Variants in CMKLR1 observed in about 807,000 individuals in gnomAD.
CMKLR1 encodes the protein chemerin chemokine-like receptor 1, also known as chemerin-like receptor 1.
CMKLR1 carries 6 observed loss-of-function variants against 8.2 expected under a neutral mutation model. The observed-to-expected ratio is 0.73, with a 90% CI of 0.40 to 1.44. The LOEUF is 1.44. Among genes scored for constraint, CMKLR1 ranks in the 40% most tolerant of loss-of-function variants. CMKLR1 has a pLI of 0.02. For synonymous variants in CMKLR1, 178 were observed against 181.2 expected, an observed-to-expected ratio of 0.98 and a Z score of 0.14; for missense variants, 429 against 478.0, an observed-to-expected ratio of 0.90 and a Z score of 0.96.
chr12:108,325,980 T>C (rs1891974523), intron 2 of CMKLR1, among the ~76,000 whole-genome samples: 1 of 152,186 alleles, frequency 6.6e-6, no homozygotes, highest in Non-Finnish European at 1.5e-5. Flanking sequence ...TCAGAAATGC[T>C]GGCGGGTGGG....
At chr12:108,300,980 A>G (rs4964670) in intron 2 of CMKLR1, among the ~76,000 whole-genome samples, 112,053 of 151,868 alleles carry the variant, frequency 0.74, 41,429 homozygotes, top group Middle Eastern at 0.8. Flanking sequence ...AAAGCCCTAC[A>G]AAGCACGTTC....
At chr12:108,325,928 C>A (rs776793004) in intron 2 of CMKLR1, among the ~76,000 whole-genome samples, 25 of 152,240 alleles carry the variant, frequency 1.6e-4, no homozygotes, top group Non-Finnish European at 2.6e-4. Context: ...TCATCCAGGG[C>A]ACAGGACATG....
chr12:108,292,429 C>T lies in CMKLR1; in HGVS notation c.534G>A (p.Arg178=), dbSNP rs764151059. The change falls in exon 4 of 4, where the codon CGG becomes CGA. Residue 178 remains arginine (R), a synonymous_variant. Transcript: ENST00000550402. Reference sequence around the variant, plus strand: ...TTTTCCCATGCAGGTTGGCTGTGTCCCGGAAGACGAGAGATGGGGAACTCA... The same window carrying T: ...TTTTCCCATGCAGGTTGGCTGTGTCTCGGAAGACGAGAGATGGGGAACTCA... ...FFLSSPSLVF[R]DTANLHGKIS... 1 of 1,613,946 alleles carries T rather than the reference C, an allele frequency of 6.2e-7. No homozygotes were observed. Among genetic ancestry groups the T allele is most frequent in the African/African-American group, 1.3e-5 (1 of 74,842 alleles).
In CMKLR1 at chr12:108,293,678, A is replaced by G; in HGVS notation, c.-73-14T>C. On this transcript the variant is annotated splice_polypyrimidine_tract_variant and intron_variant, in intron 2 of 3. Coordinates refer to ENST00000550402, the MANE Select transcript of CMKLR1 (RefSeq NM_001142343.2). ...AGCTAGAAACACCTGTAGGGAAAAA[A>G]AAAAAAAAAAAAGCAGCAATTGGAT... 24 of 1,380,268 alleles carry G rather than the reference A, an allele frequency of 1.7e-5. No homozygotes were observed. Among genetic ancestry groups the G allele is most frequent in the Non-Finnish European group, 1.9e-5 (19 of 1,015,726 alleles). The allele number at this position is 1,380,268 out of a possible 1,614,324, so 85.5% of individuals were successfully genotyped here.
At chr12:108,322,131 C>A (rs1014478574) in intron 2 of CMKLR1, among the ~76,000 whole-genome samples, 1 of 152,178 alleles carries the variant, frequency 6.6e-6, no homozygotes, top group Admixed American at 6.5e-5. Context: ...GCACTTTTGG[C>A]TCTTTCTAAA....
chr12:108,295,091 T>TG (rs764091655), intron 2 of CMKLR1, among the ~76,000 whole-genome samples: 5 of 152,152 alleles, frequency 3.3e-5, no homozygotes, highest in Non-Finnish European at 7.3e-5. Flanking sequence ...AGAGAGAAGA[T>TG]GGGGACACTG....
chr12:108,308,870 C>T (rs1297110192), intron 2 of CMKLR1, among the ~76,000 whole-genome samples: 1 of 152,176 alleles, frequency 6.6e-6, no homozygotes, highest in Non-Finnish European at 1.5e-5. Context: ...GATCTGAGTA[C>T]TGGGGTTGCA....
Position 108,291,565 on chromosome 12 carries a change from T to G in CMKLR1, c.*276A>C. 1 of 414,950 alleles carries G rather than the reference T, an allele frequency of 2.4e-6. No homozygotes were observed. The highest frequency in any genetic ancestry group is 4.3e-6 in the Non-Finnish European group (1 of 230,408). 25.7% of individuals were successfully genotyped at this position (414,950 alleles called of 1,614,324 possible). The stretch of plus-strand genomic sequence containing the variant: ...GCCAATCCCAGTTCATGGCAATGCT[T>G]TTGAGAATTCTTCCTTTTTTGCTTT... On this transcript the variant is annotated 3_prime_UTR_variant, in exon 4 of 4. Coordinates refer to ENST00000550402, the MANE Select transcript of CMKLR1 (RefSeq NM_001142343.2).
intron 2 of CMKLR1, among the ~76,000 whole-genome samples, chr12:108,321,858 C>CA (rs895486076): frequency 6.6e-6 from 1 of 152,194 alleles, no homozygotes; most frequent in Non-Finnish European, 1.5e-5. Context: ...TATCTGTCCC[C>CA]TCCAAATCTC....
chr12:108,321,856 C>T (rs1326886890), intron 2 of CMKLR1, among the ~76,000 whole-genome samples: 2 of 152,172 alleles, frequency 1.3e-5, no homozygotes, highest in Admixed American at 6.5e-5. Flanking sequence ...AATATCTGTC[C>T]CCTCCAAATC....
In CMKLR1 at chr12:108,292,965, A is replaced by G; in HGVS notation, c.4-6T>C. The G allele has an allele frequency of 1.9e-6, 3 of 1,598,424 alleles. No individual in the cohort carries two copies. Among genetic ancestry groups the G allele is most frequent in the Non-Finnish European group, 2.6e-6 (3 of 1,170,924 alleles). On this transcript the variant is annotated splice_region_variant and splice_polypyrimidine_tract_variant and intron_variant, in intron 3 of 3. Transcript: ENST00000550402. Reference sequence around the variant, plus strand: ...TAATCTTCATCCTCCATTCTCTGCAAGAGAAGACAGGGACCATTAGAGGAA... The same window carrying G: ...TAATCTTCATCCTCCATTCTCTGCAGGAGAAGACAGGGACCATTAGAGGAA...
intron 1 of CMKLR1, among the ~76,000 whole-genome samples, chr12:108,335,696 T>A (rs1300035245): frequency 6.6e-6 from 1 of 152,156 alleles, no homozygotes; most frequent in Non-Finnish European, 1.5e-5. Context: ...CTCCTTGGAG[T>A]AGAGGAGTTG....
rs910010563 is a variant in CMKLR1 at position 108,292,598 on chromosome 12, T to A, written c.365A>T (p.Asn122Ile). ...CKISNFLLIH[N>I]MFTSVFLLTI... Reference sequence around the variant, plus strand: ...CAGCAGGAAGACGCTGGTGAACATGTTGTGGATGAGAAGGAAGTTGCTGAT... The same window carrying A: ...CAGCAGGAAGACGCTGGTGAACATGATGTGGATGAGAAGGAAGTTGCTGAT... The change falls in exon 4 of 4, where the codon AAC becomes ATC. Residue 122 changes from asparagine to isoleucine, a missense_variant. Asn to Ile is a moderately radical substitution (Grantham distance 149, BLOSUM62 -3). Coordinates refer to ENST00000550402, the MANE Select transcript of CMKLR1 (RefSeq NM_001142343.2). 6.2e-7 allele frequency: 1 copy of A among 1,614,034 alleles called. No individual in the cohort carries two copies. Among genetic ancestry groups the A allele is most frequent in the Non-Finnish European group, 8.5e-7 (1 of 1,180,004 alleles).
At chr12:108,325,437 CA>C (rs755422386) in intron 2 of CMKLR1, among the ~76,000 whole-genome samples, 22 of 151,572 alleles carry the variant, frequency 1.5e-4, no homozygotes, top group Non-Finnish European at 2.9e-4. Context: ...AGACTCCTGG[CA>C]GGTGCAAGGC....
rs564549809 is a variant in CMKLR1, at chr12:108,338,505, G to A, written c.-287+522C>T. Among the ~76,000 whole-genome samples, 471 of 152,314 alleles carry A rather than the reference G, an allele frequency of 3.1e-3. 4 individuals carry two copies. Among genetic ancestry groups the A allele is most frequent in the African/African-American group, 9.9e-3 (410 of 41,560 alleles). On this transcript the variant is annotated intron_variant, in intron 1 of 3. Coordinates refer to ENST00000550402, the MANE Select transcript of CMKLR1 (RefSeq NM_001142343.2). ...GAATACTGTGCCCTGGTATAACATC[G>A]TAGAGAGGTCAAGCTGCCACGGCCT...
intron 2 of CMKLR1, among the ~76,000 whole-genome samples, chr12:108,321,107 C>T (rs1397447607): frequency 6.6e-6 from 1 of 152,184 alleles, no homozygotes; most frequent in African/African-American, 2.4e-5. Context: ...CCAGGGGTCC[C>T]CGTGGGATCA....
intron 2 of CMKLR1, among the ~76,000 whole-genome samples, chr12:108,322,006 A>T: frequency 6.6e-6 from 1 of 151,976 alleles, no homozygotes; most frequent in East Asian, 1.9e-4. Context: ...ACAAGAATTG[A>T]TTGTTTAAAA....
At chr12:108,336,154 T>A (rs1892216173) in intron 1 of CMKLR1, among the ~76,000 whole-genome samples, 1 of 152,064 alleles carries the variant, frequency 6.6e-6, no homozygotes, top group African/African-American at 2.4e-5. Flanking sequence ...AGTTCTCAAG[T>A]TTTGGGGTGC....
chr12:108,316,782 C>T (rs1891745543), intron 2 of CMKLR1, among the ~76,000 whole-genome samples: 1 of 152,156 alleles, frequency 6.6e-6, no homozygotes, highest in Non-Finnish European at 1.5e-5. Context: ...AAGGTGTCAA[C>T]CCCATAGCAG....
Sources: allele counts gnomAD v4.1 joint callset (sites outside exome capture counted in the v4.1 genomes callset), GRCh38; gene constraint gnomAD v4.1.1; transcripts MANE v1.5; gene names NCBI Gene and HGNC (gene_info 2026-07-23, HGNC 2026-07-21).